The following ST8SIA5 variants were observed in gnomAD, a reference collection of about 807,000 sequenced individuals.
ST8SIA5 encodes ST8 alpha-N-acetyl-neuraminide alpha-2,8-sialyltransferase 5.
Under a neutral mutation model 40.2 loss-of-function variants are expected in ST8SIA5, and 24 were observed. The ratio of observed to expected loss-of-function variants is 0.60; its 90% CI spans 0.43 to 0.84. ST8SIA5 has a LOEUF of 0.84. ST8SIA5 is among the 40% of genes least tolerant of loss of function. The pLI, the probability that ST8SIA5 is intolerant of heterozygous loss-of-function variation, is 0.00. For missense variants in ST8SIA5, 465 were observed against 498.5 expected, an observed-to-expected ratio of 0.93 and a Z score of 0.64; for synonymous variants, 198 against 201.8, an observed-to-expected ratio of 0.98 and a Z score of 0.16.
At chr18:46,755,215 C>G (rs1451024449) in intron 1 of ST8SIA5, among the ~76,000 whole-genome samples, 1 of 152,168 alleles carries the variant, frequency 6.6e-6, no homozygotes, top group Non-Finnish European at 1.5e-5. Context: ...CACCTAGCAG[C>G]GATCCTCACC....
At chr18:46,737,060 G>A (rs1292376688) in intron 1 of ST8SIA5, among the ~76,000 whole-genome samples, 2 of 152,186 alleles carry the variant, frequency 1.3e-5, no homozygotes, top group Admixed American at 1.3e-4. Flanking sequence ...CACACTGCAT[G>A]AGGCTAAACA....
At position 46,677,014 on chromosome 18, in the gene ST8SIA5, A is replaced by C. The variant is rs1262770106; in HGVS notation, c.*3028T>G. Reference sequence around the variant, plus strand: ...CACTTAACATGTGCTATCTCTGGGCATCTTTCCTCACCTTAAAAATGTGAC... The same window carrying C: ...CACTTAACATGTGCTATCTCTGGGCCTCTTTCCTCACCTTAAAAATGTGAC... On this transcript the variant is annotated 3_prime_UTR_variant, in exon 7 of 7. Transcript: ENST00000315087. The C allele has an allele frequency of 6.6e-6, 1 of 152,236 alleles. No homozygotes were observed. Among genetic ancestry groups the C allele is most frequent in the Non-Finnish European group, 1.5e-5 (1 of 68,062 alleles). 9.4% of individuals were successfully genotyped at this position (152,236 alleles called of 1,614,324 possible).
chr18:46,720,931 G>C (rs1049280139), intron 1 of ST8SIA5, among the ~76,000 whole-genome samples: 1 of 152,196 alleles, frequency 6.6e-6, no homozygotes, highest in Non-Finnish European at 1.5e-5. Flanking sequence ...CCTGTGGGCA[G>C]GGCAGGGAGT....
chr18:46,721,919 T>C (rs1599133568), intron 1 of ST8SIA5, among the ~76,000 whole-genome samples: 1 of 152,290 alleles, frequency 6.6e-6, no homozygotes, highest in East Asian at 1.9e-4. Context: ...CACTTTTGGT[T>C]CAAGACGTGC....
At position 46,694,416 on chromosome 18, in the gene ST8SIA5, T is replaced by C. The variant is rs144567739; in HGVS notation, c.225-2161A>G. Among the ~76,000 whole-genome samples, 11 of 152,312 alleles carry C rather than the reference T, an allele frequency of 7.2e-5. No homozygotes were observed. The East Asian group carries it at 2.1e-3, about 29-fold the overall frequency. On this transcript the variant is annotated intron_variant, in intron 2 of 6. Transcript: ENST00000315087. ...ATTGAGTAGTTCGAAAAATTGTAAT[T>C]CTACAGTAAAACTGCGAAATGCAGA...
chr18:46,735,387 C>G (rs1210201993), intron 1 of ST8SIA5, among the ~76,000 whole-genome samples: 2 of 152,198 alleles, frequency 1.3e-5, no homozygotes, highest in Non-Finnish European at 2.9e-5. Flanking sequence ...CTGACTAATA[C>G]AGTAACCAAC....
At chr18:46,682,787 G>A (rs962287996) in intron 5 of ST8SIA5, among the ~76,000 whole-genome samples, 4 of 152,178 alleles carry the variant, frequency 2.6e-5, no homozygotes, top group African/African-American at 4.8e-5. Context: ...GGAGAGAGAA[G>A]AAAGTATGTG....
intron 1 of ST8SIA5, among the ~76,000 whole-genome samples, chr18:46,740,153 T>G (rs1487936000): frequency 1.3e-5 from 2 of 152,158 alleles, no homozygotes; most frequent in Admixed American, 1.3e-4. Context: ...ACAATTAAAA[T>G]GTCTTTTAAT....
chr18:46,746,450 G>A (rs1343381364), intron 1 of ST8SIA5, among the ~76,000 whole-genome samples: 1 of 152,150 alleles, frequency 6.6e-6, no homozygotes, highest in Non-Finnish European at 1.5e-5. Flanking sequence ...CAAATCATGA[G>A]TGAACTCCCA....
At chr18:46,714,279 C>T (rs62097203) in intron 1 of ST8SIA5, among the ~76,000 whole-genome samples, 27,611 of 152,082 alleles carry the variant, frequency 0.18, 2,602 homozygotes, top group South Asian at 0.23. Context: ...TGAGCATCCC[C>T]TAATCTAATG....
At chr18:46,732,637 C>T (rs188266290) in intron 1 of ST8SIA5, among the ~76,000 whole-genome samples, 1 of 152,004 alleles carries the variant, frequency 6.6e-6, no homozygotes, top group Non-Finnish European at 1.5e-5. Context: ...AGGCTCTATT[C>T]GTAAAAAAAC....
intron 2 of ST8SIA5, among the ~76,000 whole-genome samples, chr18:46,702,946 C>A (rs73433062): frequency 0.015 from 2,250 of 152,314 alleles, 54 homozygotes; most frequent in African/African-American, 0.052. Context: ...CAGCTGGATG[C>A]TGGTCTCACC....
rs1309972297 is a variant in ST8SIA5 at position 46,677,888 on chromosome 18, C to G, written c.*2154G>C. On this transcript the variant is annotated 3_prime_UTR_variant, in exon 7 of 7. Transcript: ENST00000315087. ...TGTCCACAGCAGGCACTCAGTAGAG[C>G]CCCAGGCATGACTTGACCCAGTCAC... 6.6e-6 allele frequency: 1 copy of G among 152,230 alleles called. No homozygotes were observed. The highest frequency in any genetic ancestry group is 1.5e-5 in the Non-Finnish European group (1 of 68,048). 9.4% of individuals were successfully genotyped at this position (152,230 alleles called of 1,614,324 possible).
intron 3 of ST8SIA5, among the ~76,000 whole-genome samples, chr18:46,690,533 A>G (rs917734215): frequency 4.1e-5 from 6 of 145,362 alleles, no homozygotes; most frequent in African/African-American, 1.5e-4. Context: ...AGGCTCCCAC[A>G]CTCATCCCTG....
chr18:46,736,227 C>G (rs760192833), intron 1 of ST8SIA5, among the ~76,000 whole-genome samples: 1 of 152,172 alleles, frequency 6.6e-6, no homozygotes, highest in African/African-American at 2.4e-5. Context: ...TCAACTCAGA[C>G]GCAACACTTC....
At chr18:46,742,010 G>T (rs766815950) in intron 1 of ST8SIA5, among the ~76,000 whole-genome samples, 4 of 151,932 alleles carry the variant, frequency 2.6e-5, no homozygotes, top group Non-Finnish European at 5.9e-5. Context: ...GCTGAGGCAT[G>T]AGAATCACTT....
intron 1 of ST8SIA5, among the ~76,000 whole-genome samples, chr18:46,717,976 T>A (rs1387431471): frequency 2.0e-5 from 3 of 152,164 alleles, no homozygotes; most frequent in African/African-American, 7.2e-5. Flanking sequence ...ATGAGAAATG[T>A]CTTCACAGGC....
chr18:46,679,264 T>C lies in ST8SIA5; in HGVS notation c.*778A>G, dbSNP rs1384390730. 6.6e-6 allele frequency: 1 copy of C among 152,244 alleles called. No homozygotes were observed. Among genetic ancestry groups the C allele is most frequent in the Non-Finnish European group, 1.5e-5 (1 of 68,050 alleles). The allele number at this position is 152,244 out of a possible 1,614,324, so 9.4% of individuals were successfully genotyped here. On this transcript the variant is annotated 3_prime_UTR_variant, in exon 7 of 7. Coordinates refer to ENST00000315087, the MANE Select transcript of ST8SIA5 (RefSeq NM_013305.6). Reference sequence around the variant, plus strand: ...TAGTGCAAGTGGCTGGTTTGGTTTATTTCCTTCTCATCAAAAGAGCTAACG... The same window carrying C: ...TAGTGCAAGTGGCTGGTTTGGTTTACTTCCTTCTCATCAAAAGAGCTAACG...
At chr18:46,681,451 G>A (rs2039394953) in intron 6 of ST8SIA5, among the ~76,000 whole-genome samples, 1 of 152,136 alleles carries the variant, frequency 6.6e-6, no homozygotes, top group South Asian at 2.1e-4. Flanking sequence ...GTGTGGCTAC[G>A]CCCGGGGCTA....
Sources: allele counts gnomAD v4.1 joint callset (sites outside exome capture counted in the v4.1 genomes callset), GRCh38; gene constraint gnomAD v4.1.1; transcripts MANE v1.5; gene names NCBI Gene and HGNC (gene_info 2026-07-23, HGNC 2026-07-21).